Variants in PTK2 observed in about 807,000 individuals in gnomAD.
The protein encoded by PTK2 is protein tyrosine kinase 2.
PTK2 carries 45 observed loss-of-function variants against 150.1 expected under a neutral mutation model. That is an observed-to-expected ratio of 0.30 (90% CI 0.24 to 0.38). PTK2 has a LOEUF of 0.38. PTK2 is among the 10% of genes least tolerant of loss of function. PTK2 has a pLI of 1.00. For synonymous variants in PTK2, 432 were observed against 449.2 expected (o/e 0.96, Z 0.48); for missense variants, 919 against 1,307.3 (o/e 0.70, Z 4.58).
intron 2 of PTK2, among the ~76,000 whole-genome samples, chr8:140,896,622 A>G (rs987868976): frequency 2.0e-5 from 3 of 152,252 alleles, no homozygotes; most frequent in Non-Finnish European, 4.4e-5. Flanking sequence ...GATTTCATAT[A>G]TCTGACAAAG....
rs1038093623 is a variant in PTK2, at chr8:140,766,408, T to A, written c.1178-2118A>T. The stretch of plus-strand genomic sequence containing the variant: ...GCCAATTCTGGTTTTAGCCACCTAT[T>A]CAGAGACCTCTCCTCAGACTAATTT... On this transcript the variant is annotated intron_variant, in intron 14 of 31. Coordinates refer to ENST00000522684, the Ensembl canonical transcript of PTK2. 2.0e-5 allele frequency among the ~76,000 whole-genome samples: 3 copies of A among 152,202 alleles called. No individual in the cohort carries two copies. The East Asian group carries it at 5.8e-4, about 29-fold the overall frequency.
intron 29 of PTK2, among the ~76,000 whole-genome samples, chr8:140,670,595 A>G (rs923534580): frequency 1.3e-5 from 2 of 149,516 alleles, no homozygotes; most frequent in Non-Finnish European, 3.0e-5. Context: ...CCCTTTTTTG[A>G]GCTGATTCTT....
intron 26 of PTK2, among the ~76,000 whole-genome samples, chr8:140,695,603 G>A (rs1044539834): frequency 6.6e-6 from 1 of 152,072 alleles, no homozygotes; most frequent in African/African-American, 2.4e-5. Flanking sequence ...TAGAGATGGG[G>A]TTTGGCCATG....
intron 14 of PTK2, among the ~76,000 whole-genome samples, chr8:140,766,544 G>A (rs1298040230): frequency 1.3e-5 from 2 of 152,204 alleles, no homozygotes; most frequent in African/African-American, 4.8e-5. Context: ...TCTCTAGAAT[G>A]GAACAGCCAC....
At chr8:140,805,953 G>A (rs2100097946) in intron 10 of PTK2, among the ~76,000 whole-genome samples, 1 of 152,126 alleles carries the variant, frequency 6.6e-6, no homozygotes, top group African/African-American at 2.4e-5. Context: ...CTGCCTCTCT[G>A]ACCTAATTTA....
intron 14 of PTK2, among the ~76,000 whole-genome samples, chr8:140,775,821 T>C (rs2154563385): frequency 6.6e-6 from 1 of 152,280 alleles, no homozygotes; most frequent in East Asian, 1.9e-4. Context: ...TAAATCAGTC[T>C]CCAAAATACA....
At chr8:140,879,789 C>A in intron 3 of PTK2, 152 bp from the exon 4 acceptor site, 2 of 609,476 alleles carry the variant, frequency 3.3e-6, no homozygotes, top group South Asian at 5.9e-5. Flanking sequence ...TATCAGAAAT[C>A]TTTGGTATGA....
At chr8:140,886,960 T>C in intron 3 of PTK2, among the ~76,000 whole-genome samples, 1 of 152,214 alleles carries the variant, frequency 6.6e-6, no homozygotes, top group East Asian at 1.9e-4. Context: ...TTGTACAGCC[T>C]GGGTTTCTCT....
intron 7 of PTK2, among the ~76,000 whole-genome samples, chr8:140,838,046 A>G (rs2100119880): frequency 1.3e-5 from 2 of 152,040 alleles, no homozygotes; most frequent in South Asian, 2.1e-4. Flanking sequence ...TGGGCAACAG[A>G]GCAAGACTCC....
At position 140,742,801 on chromosome 8, in the gene PTK2, GC is replaced by G. The variant is rs112360865; in HGVS notation, c.1735+428del. Among the ~76,000 whole-genome samples the G allele has an allele frequency of 4.5e-3, 685 of 152,258 alleles. 9 individuals are homozygous for G. Among genetic ancestry groups the G allele is most frequent in the African/African-American group, 0.015 (619 of 41,550 alleles). On this transcript the variant is annotated intron_variant, in intron 20 of 31. Transcript: ENST00000522684. ...GCTGGCACGAATCTTCTACTCTGTA[GC>G]TTCTCTTTTCATCCTTTTAACAGGG...
At chr8:140,816,270 T>C (rs2100104674) in intron 10 of PTK2, among the ~76,000 whole-genome samples, 1 of 152,124 alleles carries the variant, frequency 6.6e-6, no homozygotes, top group Non-Finnish European at 1.5e-5. Context: ...TATGAATTGG[T>C]TTAATATGGA....
intron 14 of PTK2, among the ~76,000 whole-genome samples, chr8:140,783,084 T>C (rs1485371819): frequency 6.6e-6 from 1 of 151,494 alleles, no homozygotes; most frequent in Non-Finnish European, 1.5e-5. Context: ...ACAAAAAAAA[T>C]ACAAAAATTT....
intron 18 of PTK2, among the ~76,000 whole-genome samples, chr8:140,745,579 G>A (rs2100058245): frequency 6.6e-6 from 1 of 152,240 alleles, no homozygotes; most frequent in Non-Finnish European, 1.5e-5. Context: ...CCCAGTGTTT[G>A]ATTCAGCAGG....
chr8:140,973,138 C>A (rs1044335958), intron 1 of PTK2, among the ~76,000 whole-genome samples: 4 of 152,124 alleles, frequency 2.6e-5, no homozygotes, highest in Non-Finnish European at 5.9e-5. Flanking sequence ...CTAGTAATGA[C>A]AGAAATAATA....
At chr8:140,728,608 T>G (rs1363260903) in intron 22 of PTK2, among the ~76,000 whole-genome samples, 2 of 152,190 alleles carry the variant, frequency 1.3e-5, no homozygotes, top group Non-Finnish European at 2.9e-5. Flanking sequence ...AACCTCTGCC[T>G]CCTGGGTTCA....
At chr8:140,659,278 C>CA (rs2076071722) in exon 32 of PTK2, 1 of 545,958 alleles carries the variant, frequency 1.8e-6, no homozygotes, top group Non-Finnish European at 3.2e-6. Context: ...AAAAACAAAA[C>CA]AAAAAATGAA....
intron 26 of PTK2, among the ~76,000 whole-genome samples, chr8:140,698,072 ATTCCAAT>A: frequency 6.6e-6 from 1 of 152,074 alleles, no homozygotes; most frequent in East Asian, 1.9e-4. Flanking sequence ...TGCCCTAAAA[ATTCCAAT>A]TTCTCCTTTA....
chr8:140,762,459 A>G, intron 15 of PTK2, 71 bp from the exon 18 acceptor site: 1 of 728,318 alleles, frequency 1.4e-6, no homozygotes, highest in Non-Finnish European at 1.8e-6. Context: ...TTAGGTTAAC[A>G]ACACAAACTT....
At chr8:140,678,132 T>C (rs1158422160) in intron 27 of PTK2, among the ~76,000 whole-genome samples, 2 of 152,178 alleles carry the variant, frequency 1.3e-5, no homozygotes, top group Non-Finnish European at 2.9e-5. Flanking sequence ...CTGCAACCTC[T>C]GCAGCCCAGG....
Sources: gnomAD v4.1 joint callset for allele counts (sites outside exome capture counted in the v4.1 genomes callset) on GRCh38, gnomAD v4.1.1 for gene constraint, MANE v1.5 for transcripts, NCBI Gene and HGNC (gene_info 2026-07-23, HGNC 2026-07-21) for gene names.